The following C4BPA variants were observed in gnomAD, a reference collection of about 807,000 sequenced individuals.
C4BPA encodes the protein complement component 4 binding protein alpha.
C4BPA carries 31 observed loss-of-function variants against 63.7 expected under a neutral mutation model. The ratio of observed to expected loss-of-function variants is 0.49; its 90% CI spans 0.37 to 0.66. The LOEUF is 0.66. Ranked by LOEUF, C4BPA falls within the 30% of genes least tolerant of loss-of-function variation. The pLI, the probability that C4BPA is intolerant of heterozygous loss-of-function variation, is 0.00. For missense variants in C4BPA, 572 were observed against 723.3 expected, an observed-to-expected ratio of 0.79 and a Z score of 2.40; for synonymous variants, 259 against 254.7, an observed-to-expected ratio of 1.02 and a Z score of -0.16.
chr1:207,114,485 C>CTTTTTTTT (rs34895847), intron 3 of C4BPA, among the ~76,000 whole-genome samples, 200 bp downstream of exon 3: 3 of 59,550 alleles, frequency 5.0e-5, no homozygotes, highest in Non-Finnish European at 9.6e-5. Flanking sequence ...TAACTCTGTT[C>CTTTTTTTT]TTTTTTTTTT....
At position 207,106,441 on chromosome 1, in the gene C4BPA, G is replaced by GTTTTTTTTTTTT. The variant is rs757122192; in HGVS notation, c.-26+2016_-26+2027dup. ...CTGTCTTATTCCTTCCTCCGTGTAAGTTTTTTTTTTTTTTTTGAAACGGAG... is the reference window on the plus strand; with the variant it reads ...CTGTCTTATTCCTTCCTCCGTGTAAGTTTTTTTTTTTTTTTTTTTTTTTTTTTTGAAACGGAG... On this transcript the variant is annotated intron_variant, in intron 1 of 11. Coordinates refer to ENST00000367070, the MANE Select transcript of C4BPA (RefSeq NM_000715.4). Among the ~76,000 whole-genome samples, 96 of 118,432 alleles carry GTTTTTTTTTTTT rather than the reference G, an allele frequency of 8.1e-4. 6 individuals are homozygous for GTTTTTTTTTTTT. Among genetic ancestry groups the GTTTTTTTTTTTT allele is most frequent in the African/African-American group, 3.3e-3 (88 of 27,024 alleles). The allele number at this position is 118,432 out of a possible 152,430, so 77.7% of individuals were successfully genotyped here. A position where few individuals can be genotyped will look rare whatever the true frequency, so the allele number is the denominator to read the frequency against.
intron 9 of C4BPA, among the ~76,000 whole-genome samples, chr1:207,139,611 A>T (rs1685368727): frequency 6.6e-6 from 1 of 152,206 alleles, no homozygotes; most frequent in Non-Finnish European, 1.5e-5. Context: ...ACGTTCAAGG[A>T]TAAGGTAGAT....
At chr1:207,135,871 A>G (rs771829562) in intron 9 of C4BPA, among the ~76,000 whole-genome samples, 2 of 152,194 alleles carry the variant, frequency 1.3e-5, no homozygotes, top group Non-Finnish European at 2.9e-5. Flanking sequence ...GCATGGTCCC[A>G]ACAACACACC....
At chr1:207,132,461 A>C (rs1306468102) in intron 8 of C4BPA, among the ~76,000 whole-genome samples, 5 of 152,236 alleles carry the variant, frequency 3.3e-5, no homozygotes, top group African/African-American at 1.2e-4. Flanking sequence ...CCAAGAATAC[A>C]GGGAATTTTA....
intron 1 of C4BPA, among the ~76,000 whole-genome samples, chr1:207,108,169 G>C (rs1241939397): frequency 2.6e-5 from 4 of 152,116 alleles, no homozygotes; most frequent in Non-Finnish European, 5.9e-5. Flanking sequence ...AAATCTAACA[G>C]AGTCAAAAAG....
chr1:207,123,298 T>C (rs985185988), intron 4 of C4BPA, among the ~76,000 whole-genome samples: 22 of 152,264 alleles, frequency 1.4e-4, no homozygotes, highest in African/African-American at 5.3e-4. Flanking sequence ...AGGTGACATT[T>C]GCTTTAGTGT....
rs576427551 is a variant in C4BPA at position 207,115,626 on chromosome 1, T to A, written c.428+111T>A. Reference sequence around the variant, plus strand: ...ATGTAAAAAGATAGACGTTGAGAATTCTCATTTCCATCCTATCTCCATACA... The same window carrying A: ...ATGTAAAAAGATAGACGTTGAGAATACTCATTTCCATCCTATCTCCATACA... On this transcript the variant is annotated intron_variant, in intron 4 of 11. Coordinates refer to ENST00000367070, the MANE Select transcript of C4BPA (RefSeq NM_000715.4). 7.1e-6 allele frequency: 4 copies of A among 566,988 alleles called. No homozygotes were observed. In the South Asian group the frequency reaches 1.0e-4, roughly 15 times the overall value. The allele number at this position is 566,988 out of a possible 1,614,324, so 35.1% of individuals were successfully genotyped here.
rs139315264 is a variant in C4BPA at position 207,144,029 on chromosome 1, G to C, written c.1620+36G>C. 1.3e-5 allele frequency: 19 copies of C among 1,500,538 alleles called. No homozygotes were observed. The South Asian group carries it at 2.4e-4, about 19-fold the overall frequency. 93.0% of individuals were successfully genotyped at this position (1,500,538 alleles called of 1,614,324 possible). On this transcript the variant is annotated intron_variant, in intron 11 of 11. Transcript: ENST00000367070. ...CAATTCAAGGAAGTTCTGTGCTGTC[G>C]ACCCCTAAAAATGGTGGCATCCCCC...
At chr1:207,113,963 T>C (rs991660211) in intron 2 of C4BPA, 137 bp from the exon 3 acceptor site, 25 of 670,728 alleles carry the variant, frequency 3.7e-5, no homozygotes, top group East Asian at 1.3e-4. Context: ...GAGAGTATAA[T>C]AGGAGTTATG....
At chr1:207,123,224 G>C (rs1684956243) in intron 4 of C4BPA, among the ~76,000 whole-genome samples, 1 of 152,190 alleles carries the variant, frequency 6.6e-6, no homozygotes, top group Non-Finnish European at 1.5e-5. Flanking sequence ...AATTGTAGTT[G>C]TAGTTGAGAT....
At chr1:207,115,852 TAGAG>T (rs1292184979) in intron 4 of C4BPA, among the ~76,000 whole-genome samples, 4 of 152,254 alleles carry the variant, frequency 2.6e-5, no homozygotes, top group South Asian at 2.1e-4. Flanking sequence ...TGTTTGCGCA[TAGAG>T]AGTTTCCTCA....
At position 207,144,766 on chromosome 1, in the gene C4BPA, C is replaced by A. The variant is rs1323076925; in HGVS notation, c.*49C>A. ...AGGTGTCTTGCTGGCTTGCCTCTTG[C>A]AATTCAATACAGATCAGTTTAGCAA... On this transcript the variant is annotated 3_prime_UTR_variant, in exon 12 of 12. Coordinates refer to ENST00000367070, the MANE Select transcript of C4BPA (RefSeq NM_000715.4). 1 of 1,277,040 alleles carries A rather than the reference C, an allele frequency of 7.8e-7. No individual in the cohort carries two copies. The highest frequency in any genetic ancestry group is 1.5e-5 in the South Asian group (1 of 65,906). The allele number at this position is 1,277,040 out of a possible 1,614,324, so 79.1% of individuals were successfully genotyped here. A position where few individuals can be genotyped will look rare whatever the true frequency, so the allele number is the denominator to read the frequency against.
intron 4 of C4BPA, among the ~76,000 whole-genome samples, chr1:207,116,986 G>A (rs4844570): frequency 0.6 from 90,375 of 151,674 alleles, 27,841 homozygotes; most frequent in East Asian, 0.73. Context: ...TTATGTATGC[G>A]TTTCACAGTC....
chr1:207,126,641 TA>T (rs1685049873), intron 6 of C4BPA, 71 bp from the exon 7 acceptor site: 1 of 1,086,666 alleles, frequency 9.2e-7, no homozygotes, highest in Admixed American at 2.0e-5. Flanking sequence ...GTAACTGGAT[TA>T]GCAGTGGCAG....
rs1572777076 is a variant in C4BPA at position 207,114,293 on chromosome 1, TCAA to T, written c.328+11_328+13del. On this transcript the variant is annotated intron_variant, in intron 3 of 11. Transcript: ENST00000367070. Reference sequence around the variant, plus strand: ...ATAACACCTTCTGTATCTGTAAGTATCAACATTTATTTTTTTCCTTTGCTTTTC... The same window carrying T: ...ATAACACCTTCTGTATCTGTAAGTATCATTTATTTTTTTCCTTTGCTTTTC... 4 of 1,583,152 alleles carry T rather than the reference TCAA, an allele frequency of 2.5e-6. No individual in the cohort carries two copies. The highest frequency in any genetic ancestry group is 1.9e-5 in the Admixed American group (1 of 52,930).
In C4BPA at chr1:207,104,430, G is replaced by A. The variant is rs1237365433; in HGVS notation, c.-26G>A. 2 of 152,226 alleles carry A rather than the reference G, an allele frequency of 1.3e-5. No individual in the cohort carries two copies. Among genetic ancestry groups the A allele is most frequent in the African/African-American group, 4.8e-5 (2 of 41,430 alleles). 9.4% of individuals were successfully genotyped at this position (152,226 alleles called of 1,614,324 possible). On this transcript the variant is annotated splice_region_variant and 5_prime_UTR_variant, in exon 1 of 12. Coordinates refer to ENST00000367070, the MANE Select transcript of C4BPA (RefSeq NM_000715.4). ...CTTCTGCTCTTCCTCAACTACCAAA[G>A]GTCGGTGGACTACTAAACCCTTGGG...
At chr1:207,125,427 T>C (rs1393838282) in intron 6 of C4BPA, among the ~76,000 whole-genome samples, 1 of 152,182 alleles carries the variant, frequency 6.6e-6, no homozygotes. Context: ...GGCTTGAATG[T>C]GCATCTCCAA....
intron 1 of C4BPA, among the ~76,000 whole-genome samples, chr1:207,107,035 A>T (rs1211517494): frequency 6.6e-6 from 1 of 152,192 alleles, no homozygotes; most frequent in Non-Finnish European, 1.5e-5. Context: ...AAAAGCAAAT[A>T]GATAGTTAGG....
chr1:207,143,205 A>C (rs1218108354), intron 10 of C4BPA, among the ~76,000 whole-genome samples: 2 of 152,180 alleles, frequency 1.3e-5, no homozygotes, highest in Non-Finnish European at 2.9e-5. Context: ...TGAAGCTGGA[A>C]ACCATTATTC....
Sources: gnomAD v4.1 joint callset for allele counts (sites outside exome capture counted in the v4.1 genomes callset) on GRCh38, gnomAD v4.1.1 for gene constraint, MANE v1.5 for transcripts, NCBI Gene and HGNC (gene_info 2026-07-23, HGNC 2026-07-21) for gene names.